Variants in KDM7A observed in about 807,000 individuals in gnomAD.
The protein encoded by KDM7A is lysine-specific demethylase 7A.
Under a neutral mutation model 114.8 loss-of-function variants are expected in KDM7A, and 28 were observed. The ratio of observed to expected loss-of-function variants is 0.24; its 90% CI spans 0.18 to 0.33. The LOEUF is 0.33. Ranked by LOEUF, KDM7A falls within the 10% of genes least tolerant of loss-of-function variation. KDM7A has a pLI of 1.00. For missense variants in KDM7A, 942 were observed against 1,142.5 expected (o/e 0.82, Z 2.53); for synonymous variants, 423 against 397.8 (o/e 1.06, Z -0.75).
intron 1 of KDM7A, among the ~76,000 whole-genome samples, chr7:140,151,060 A>C (rs1403259772): frequency 1.3e-5 from 2 of 151,838 alleles, no homozygotes; most frequent in African/African-American, 2.4e-5. Flanking sequence ...CGAACTCTTG[A>C]CCTCAGGTGA....
Position 140,101,969 on chromosome 7 carries a change from C to T in KDM7A, c.1620G>A (p.Glu540=), listed in dbSNP as rs1240009939. The T allele has an allele frequency of 1.2e-6, 2 of 1,611,880 alleles. No homozygotes were observed. Among genetic ancestry groups the T allele is most frequent in the African/African-American group, 1.3e-5 (1 of 74,868 alleles). The change falls in exon 12 of 20, where the codon GAG becomes GAA. Residue 540 remains glutamate, a synonymous_variant. Transcript: ENST00000397560. ...TACTTGCCTCTTCCCATGGACACATCTCTAATCTTTTGAGGACCTCCCTTG... is the reference window on the plus strand; with the variant it reads ...TACTTGCCTCTTCCCATGGACACATTTCTAATCTTTTGAGGACCTCCCTTG... The part of the protein sequence containing the change: ...LHTREVLKRL[E]MCPWEEDILS...
rs1200049726 is a variant in KDM7A at position 140,119,107 on chromosome 7, A to C, written c.1246+6T>G. On this transcript the variant is annotated splice_donor_region_variant and intron_variant, in intron 9 of 19. Transcript: ENST00000397560. ...ATCATATACAAACATGCAAATTATT[A>C]ATTACCTTTCAGGGTTTCCAGCAAG... 1 of 1,529,958 alleles carries C rather than the reference A, an allele frequency of 6.5e-7. No homozygotes were observed. Among genetic ancestry groups the C allele is most frequent in the African/African-American group, 1.4e-5 (1 of 73,004 alleles). The allele number at this position is 1,529,958 out of a possible 1,614,324, so 94.8% of individuals were successfully genotyped here.
At chr7:140,150,537 G>A (rs908164822) in intron 1 of KDM7A, among the ~76,000 whole-genome samples, 1 of 152,122 alleles carries the variant, frequency 6.6e-6, no homozygotes, top group Non-Finnish European at 1.5e-5. Context: ...AGCAACAAAA[G>A]CCAGGTGCGT....
At chr7:140,092,996 TA>T (rs61576226) in intron 18 of KDM7A, among the ~76,000 whole-genome samples, 209 of 149,328 alleles carry the variant, frequency 1.4e-3, no homozygotes, top group East Asian at 8.0e-3. Context: ...AGCCTTCCTT[TA>T]AAAAAAAAAC....
intron 1 of KDM7A, among the ~76,000 whole-genome samples, chr7:140,149,657 G>A (rs943570307): frequency 1.3e-5 from 2 of 152,138 alleles, no homozygotes; most frequent in Non-Finnish European, 2.9e-5. Context: ...TACAAACAGT[G>A]CCCAGTATAT....
chr7:140,146,470 C>T (rs559275831), intron 1 of KDM7A, among the ~76,000 whole-genome samples: 2 of 152,202 alleles, frequency 1.3e-5, no homozygotes, highest in African/African-American at 2.4e-5. Context: ...TGCAGTAGGA[C>T]ACACAAAGAG....
Position 140,087,064 on chromosome 7 carries a change from C to T in KDM7A, c.*4030G>A, listed in dbSNP as rs1817939997. The T allele has an allele frequency of 1.3e-5, 2 of 152,176 alleles. No individual in the cohort carries two copies. The highest frequency in any genetic ancestry group is 6.5e-5 in the Admixed American group (1 of 15,276). The allele number at this position is 152,176 out of a possible 1,614,324, so 9.4% of individuals were successfully genotyped here. A position where few individuals can be genotyped will look rare whatever the true frequency, so the allele number is the denominator to read the frequency against. On this transcript the variant is annotated 3_prime_UTR_variant, in exon 20 of 20. Transcript: ENST00000397560. ...CTTGTCTGTTGAAGATGTCTGGTGG[C>T]GTCTCCTTTCCTACACTGGTTTCTT...
chr7:140,121,438 C>T (rs1818616587), intron 7 of KDM7A, among the ~76,000 whole-genome samples: 1 of 152,242 alleles, frequency 6.6e-6, no homozygotes, highest in African/African-American at 2.4e-5. Context: ...AAAGGACTCA[C>T]TTTCAAGTGT....
At chr7:140,092,588 C>A (rs1173572594) in intron 18 of KDM7A, among the ~76,000 whole-genome samples, 1 of 151,984 alleles carries the variant, frequency 6.6e-6, no homozygotes, top group Non-Finnish European at 1.5e-5. Context: ...TTAAGACTAT[C>A]GAGTAAACTT....
chr7:140,121,315 T>C (rs949095306), intron 7 of KDM7A, among the ~76,000 whole-genome samples: 1 of 152,216 alleles, frequency 6.6e-6, no homozygotes, highest in African/African-American at 2.4e-5. Context: ...CAGAAATAAA[T>C]ACAAACACAT....
In KDM7A at chr7:140,166,588, T is replaced by C. The variant is rs188671588; in HGVS notation, c.194+10156A>G. Among the ~76,000 whole-genome samples, 629 of 152,226 alleles carry C rather than the reference T, an allele frequency of 4.1e-3. 1 individual carries two copies. The highest frequency in any genetic ancestry group is 6.7e-3 in the Non-Finnish European group (459 of 68,008). On this transcript the variant is annotated intron_variant, in intron 1 of 19. Transcript: ENST00000397560. ...CCTGGACTCACGCCATCCACCCACC[T>C]TGGCCTCCCAAAGTGCTGGGATTAT... is the stretch of plus-strand genomic sequence containing the variant.
Position 140,102,093 on chromosome 7 carries a change from T to C in KDM7A, c.1496A>G (p.Asn499Ser), listed in dbSNP as rs778509366. The change falls in exon 12 of 20, where the codon AAT becomes AGT. Residue 499 changes from asparagine to serine, a missense_variant. By Grantham distance (46) the Asn-to-Ser change is conservative. This residue lies in a region of KDM7A where 512 missense variants were observed against 576.6 expected (regional missense o/e 0.89). Coordinates refer to ENST00000397560, the MANE Select transcript of KDM7A (RefSeq NM_030647.2). ...PIVCPVSRSS[N>S]EATSPYHSRR... ...GGAATGGTATGGGGAAGTTGCTTCATTTGAGGATCGTGAAACTGGACACAC... is the reference window on the plus strand; with the variant it reads ...GGAATGGTATGGGGAAGTTGCTTCACTTGAGGATCGTGAAACTGGACACAC... The C allele has an allele frequency of 2.0e-5, 32 of 1,614,094 alleles. No individual in the cohort carries two copies. Among genetic ancestry groups the C allele is most frequent in the East Asian group, 1.3e-4 (6 of 44,876 alleles).
Position 140,126,630 on chromosome 7 carries a change from A to C in KDM7A, c.888+7T>G, listed in dbSNP as rs773482736. ...CAGTGAGAGAACAAAAAATACCCCA[A>C]TCTTACCCAGAGGACATGGTACCAG... On this transcript the variant is annotated splice_region_variant and intron_variant, in intron 6 of 19. Coordinates refer to ENST00000397560, the MANE Select transcript of KDM7A (RefSeq NM_030647.2). 3 of 1,583,044 alleles carry C rather than the reference A, an allele frequency of 1.9e-6. No individual in the cohort carries two copies. In the African/African-American group the frequency reaches 4.1e-5, roughly 21 times the overall value.
Position 140,176,113 on chromosome 7 carries a change from A to G in KDM7A, c.194+631T>C, listed in dbSNP as rs1329266708. On this transcript the variant is annotated intron_variant, in intron 1 of 19. Coordinates refer to ENST00000397560, the MANE Select transcript of KDM7A (RefSeq NM_030647.2). The surrounding 1 kb of genome is among the most constrained non-coding windows in gnomAD (Gnocchi z 4.4). ...GAGTGCCTCATCTGTTGCTCTGTTTACTCCGCGGAGCCCCGCCGAGCTGGC... is the reference window on the plus strand; with the variant it reads ...GAGTGCCTCATCTGTTGCTCTGTTTGCTCCGCGGAGCCCCGCCGAGCTGGC... Among the ~76,000 whole-genome samples the G allele has an allele frequency of 6.7e-6, 1 of 149,050 alleles. No homozygotes were observed. Among genetic ancestry groups the G allele is most frequent in the African/African-American group, 2.5e-5 (1 of 40,286 alleles).
At chr7:140,170,248 T>A (rs1794623806) in intron 1 of KDM7A, among the ~76,000 whole-genome samples, 2 of 131,922 alleles carry the variant, frequency 1.5e-5, no homozygotes, top group African/African-American at 5.3e-5. Flanking sequence ...ATTTTATACA[T>A]AATGTGTCCC....
Position 140,091,943 on chromosome 7 carries a change from CAG to C in KDM7A, c.2590_2591del (p.Leu864AspfsTer9). Reference sequence around the variant, plus strand: ...TACTTATCTGGCACGCCCCCGAAGTCAGGTTTGAATTCTGCATATACTTTCCA... The same window carrying C: ...TACTTATCTGGCACGCCCCCGAAGTCGTTTGAATTCTGCATATACTTTCCA... ...QNGKYMQNSNLTSGACQISNG... is the reference protein window; with the variant it reads ...QNGKYMQNSNXTSGACQISNG... On this transcript the variant is annotated frameshift_variant, in exon 19 of 20. Coordinates refer to ENST00000397560, the MANE Select transcript of KDM7A (RefSeq NM_030647.2). LOFTEE classifies it high-confidence loss of function. 1 of 1,613,960 alleles carries C rather than the reference CAG, an allele frequency of 6.2e-7. No homozygotes were observed.
intron 1 of KDM7A, among the ~76,000 whole-genome samples, chr7:140,167,190 T>C (rs1318878493): frequency 6.6e-6 from 1 of 152,196 alleles, no homozygotes; most frequent in Non-Finnish European, 1.5e-5. Flanking sequence ...ATAAGTTTAA[T>C]GTAACCCTAA....
intron 7 of KDM7A, among the ~76,000 whole-genome samples, chr7:140,123,035 T>C (rs1307343319): frequency 6.6e-6 from 1 of 152,138 alleles, no homozygotes; most frequent in East Asian, 1.9e-4. Context: ...AACCCAATGT[T>C]AAAATGAGCA....
chr7:140,167,554 G>A (rs1794592495), intron 1 of KDM7A, among the ~76,000 whole-genome samples: 1 of 151,876 alleles, frequency 6.6e-6, no homozygotes, highest in African/African-American at 2.4e-5. Flanking sequence ...GGGACAACTG[G>A]ACAATTTCTT....
Sources: gnomAD v4.1 joint callset for allele counts (sites outside exome capture counted in the v4.1 genomes callset) on GRCh38, gnomAD v4.1.1 for gene constraint, gnomAD v4.1.1 regional missense constraint, Gnocchi (gnomAD v3.1) non-coding constraint, MANE v1.5 for transcripts, NCBI Gene and HGNC (gene_info 2026-07-23, HGNC 2026-07-21) for gene names.